Variants in MAPK10 observed in about 807,000 individuals in gnomAD.
MAPK10 encodes the protein JNK3 alpha protein kinase.
MAPK10 carries 25 observed loss-of-function variants against 59.3 expected under a neutral mutation model. That is an observed-to-expected ratio of 0.42 (90% CI 0.31 to 0.59). MAPK10 has a LOEUF of 0.59. MAPK10 is among the 20% of genes least tolerant of loss of function. The probability of loss-of-function intolerance (pLI) is 0.15; values close to 1 mark genes in which losing one functional copy is unlikely to be tolerated. For missense variants in MAPK10, 351 were observed against 568.9 expected (o/e 0.62, Z 3.90); for synonymous variants, 190 against 200.5 (o/e 0.95, Z 0.44).
At chr4:86,063,527 G>T (rs2046127002) in intron 11 of MAPK10, among the ~76,000 whole-genome samples, 1 of 152,068 alleles carries the variant, frequency 6.6e-6, no homozygotes, top group South Asian at 2.1e-4. Flanking sequence ...CTCATCAGGA[G>T]GCCTATAGAA....
intron 4 of MAPK10, among the ~76,000 whole-genome samples, chr4:86,126,532 G>T (rs1225357442): frequency 6.6e-6 from 1 of 151,956 alleles, no homozygotes; most frequent in Admixed American, 6.6e-5. Flanking sequence ...TAGAAAAGGG[G>T]CACTGGATAA....
intron 11 of MAPK10, among the ~76,000 whole-genome samples, chr4:86,046,112 T>C (rs528399632): frequency 1.3e-5 from 2 of 151,018 alleles, no homozygotes; most frequent in Admixed American, 6.6e-5. Flanking sequence ...ATTTGTCTGT[T>C]ATTCGTGTAT....
chr4:86,207,949 T>A (rs1156729924), intron 2 of MAPK10, among the ~76,000 whole-genome samples: 1 of 152,090 alleles, frequency 6.6e-6, no homozygotes, highest in Non-Finnish European at 1.5e-5. Flanking sequence ...GATTTTGGGC[T>A]GAGACAATGG....
chr4:86,387,756 C>T (rs75855012), intron 1 of MAPK10, among the ~76,000 whole-genome samples: 4,862 of 151,914 alleles, frequency 0.032, 111 homozygotes, highest in South Asian at 0.056. Flanking sequence ...ACTGAACTGA[C>T]GTTTTTTTCA....
rs1184670253 is a variant in MAPK10 at position 86,555,502 on chromosome 4, G to A, written c.-263+38408C>T. On this transcript the variant is annotated intron_variant, in intron 1 of 4. Transcript: ENST00000502302. ...TTTTATTTGGGGTGCCTAGCAGAAT[G>A]TCTTGAATATGGTTGAATAAATGCT... 2.6e-5 allele frequency among the ~76,000 whole-genome samples: 4 copies of A among 152,286 alleles called. No homozygotes were observed. In the East Asian group the frequency reaches 7.7e-4, roughly 29 times the overall value.
chr4:86,360,147 C>T, upstream of MAPK10: 3 of 985,744 alleles, frequency 3.0e-6, no homozygotes, highest in Non-Finnish European at 1.2e-6. Flanking sequence ...CCAGAGAGGT[C>T]TAGGGAGGGG....
rs575705528 is a variant in MAPK10, at chr4:86,068,986, G to T, written c.803-1031C>A. Among the ~76,000 whole-genome samples the T allele has an allele frequency of 2.6e-5, 4 of 152,142 alleles. No homozygotes were observed. In the South Asian group the frequency reaches 8.3e-4, roughly 32 times the overall value. ...TGCAAGCAGTATTCTCTCCTACATTGCTTATTCTTCTACAACTGTTCTTTG... is the reference window on the plus strand; with the variant it reads ...TGCAAGCAGTATTCTCTCCTACATTTCTTATTCTTCTACAACTGTTCTTTG... On this transcript the variant is annotated intron_variant, in intron 9 of 13. Transcript: ENST00000641462.
intron 1 of MAPK10, among the ~76,000 whole-genome samples, chr4:86,464,073 C>T (rs1052757620): frequency 6.6e-6 from 1 of 151,994 alleles, no homozygotes; most frequent in Admixed American, 6.6e-5. Context: ...TGGATATGAT[C>T]CTGGAAAAAT....
chr4:86,411,202 T>C (rs940462675), intron 1 of MAPK10, among the ~76,000 whole-genome samples: 49 of 152,202 alleles, frequency 3.2e-4, no homozygotes, highest in African/African-American at 1.1e-3. Flanking sequence ...TCCATGTAGT[T>C]GTGTGGTTTT....
At chr4:86,131,036 T>C (rs2060909216) in intron 4 of MAPK10, among the ~76,000 whole-genome samples, 1 of 152,110 alleles carries the variant, frequency 6.6e-6, no homozygotes. Flanking sequence ...GATCATAATA[T>C]AAGGCACAAG....
intron 13 of MAPK10, among the ~76,000 whole-genome samples, chr4:86,022,754 C>T (rs182496225): frequency 3.3e-5 from 5 of 152,268 alleles, no homozygotes; most frequent in Non-Finnish European, 5.9e-5. Context: ...AGTGATCTTC[C>T]GATTTCTGCC....
At chr4:86,065,199 A>C (rs2046500219) in intron 10 of MAPK10, 1 of 152,196 alleles carries the variant, frequency 6.6e-6, no homozygotes, top group Non-Finnish European at 1.5e-5. Flanking sequence ...GGAGTGAGCC[A>C]CTGCTCCCAG....
chr4:86,544,254 G>A (rs1758965923), intron 1 of MAPK10, among the ~76,000 whole-genome samples: 1 of 152,186 alleles, frequency 6.6e-6, no homozygotes, highest in African/African-American at 2.4e-5. Context: ...TGTCTAATGT[G>A]AAGTAGGGGA....
At chr4:86,529,010 G>A (rs558729486) in intron 1 of MAPK10, among the ~76,000 whole-genome samples, 1 of 152,280 alleles carries the variant, frequency 6.6e-6, no homozygotes, top group South Asian at 2.1e-4. Context: ...CTAACTCTCT[G>A]TCACCACCAC....
At chr4:86,255,333 C>T (rs1353476050) in intron 2 of MAPK10, among the ~76,000 whole-genome samples, 7 of 152,086 alleles carry the variant, frequency 4.6e-5, no homozygotes, top group Admixed American at 6.5e-5. Context: ...AGAGCATGAA[C>T]GGAATTTGAT....
At chr4:86,245,311 ATTTTTTTT>A (rs35547091) in intron 2 of MAPK10, among the ~76,000 whole-genome samples, 1 of 137,340 alleles carries the variant, frequency 7.3e-6, no homozygotes, top group African/African-American at 2.7e-5. Flanking sequence ...ACAAGTGCCA[ATTTTTTTT>A]TTTTTTTTTT....
chr4:86,303,219 T>C (rs751599356), intron 2 of MAPK10, among the ~76,000 whole-genome samples: 28 of 152,192 alleles, frequency 1.8e-4, no homozygotes, highest in Non-Finnish European at 3.4e-4. Flanking sequence ...TCTTTTCAAT[T>C]TCATGCTAAA....
chr4:86,555,361 G>C (rs1301913083), intron 1 of MAPK10, among the ~76,000 whole-genome samples: 1 of 152,170 alleles, frequency 6.6e-6, no homozygotes, highest in Non-Finnish European at 1.5e-5. Flanking sequence ...CAGGAGAATT[G>C]CTTGAACCTA....
At chr4:86,211,050 G>C (rs537170933) in intron 2 of MAPK10, among the ~76,000 whole-genome samples, 29 of 151,708 alleles carry the variant, frequency 1.9e-4, no homozygotes, top group Non-Finnish European at 3.1e-4. Flanking sequence ...AGAACAGAAA[G>C]AAGGATTGAG....
Sources: allele counts gnomAD v4.1 joint callset (sites outside exome capture counted in the v4.1 genomes callset), GRCh38; gene constraint gnomAD v4.1.1; transcripts MANE v1.5; gene names NCBI Gene and HGNC (gene_info 2026-07-23, HGNC 2026-07-21).